SLC6A6: variants seen among roughly 807,000 people sequenced by gnomAD.
SLC6A6 encodes the protein solute carrier family 6 member 6, also known as sodium- and chloride-dependent taurine transporter.
SLC6A6 carries 16 observed loss-of-function variants against 68.8 expected under a neutral mutation model. That is an observed-to-expected ratio of 0.23 (90% CI 0.16 to 0.35). The LOEUF is 0.35. Ranked by LOEUF, SLC6A6 falls within the 10% of genes least tolerant of loss-of-function variation. The pLI is 1.00. For missense variants in SLC6A6, 474 were observed against 802.8 expected (o/e 0.59, Z 4.95); for synonymous variants, 312 against 315.4 (o/e 0.99, Z 0.12).
chr3:14,404,050 C>A (rs932985324), intron 1 of SLC6A6, among the ~76,000 whole-genome samples: 1 of 152,250 alleles, frequency 6.6e-6, no homozygotes, highest in East Asian at 1.9e-4. Flanking sequence ...TGCCCAGACA[C>A]TTGAATGGAG....
At chr3:14,475,917 G>A (rs1327356720) in intron 10 of SLC6A6, among the ~76,000 whole-genome samples, 1 of 152,110 alleles carries the variant, frequency 6.6e-6, no homozygotes, top group African/African-American at 2.4e-5. Context: ...TCCAGCCCTT[G>A]TCAGCACATG....
At chr3:14,407,301 T>TA (rs555082864) in intron 1 of SLC6A6, among the ~76,000 whole-genome samples, 2 of 152,060 alleles carry the variant, frequency 1.3e-5, no homozygotes, top group Non-Finnish European at 2.9e-5. Context: ...CCTCCCACCT[T>TA]AGATGATTTT....
chr3:14,477,368 C>T lies in SLC6A6; in HGVS notation c.1347+26C>T. On this transcript the variant is annotated intron_variant, in intron 11 of 14. Coordinates refer to ENST00000622186, the MANE Select transcript of SLC6A6 (RefSeq NM_003043.6). The surrounding 1 kb of genome is among the most constrained non-coding windows in gnomAD (Gnocchi z 4.2). ...GTAGGTGGCTCTCTCAGCTGTGTTT[C>T]AGGCTTGGTGCTCCAGTGCCCTCCT... The T allele has an allele frequency of 6.2e-7, 1 of 1,611,892 alleles. No homozygotes were observed. The highest frequency in any genetic ancestry group is 8.5e-7 in the Non-Finnish European group (1 of 1,178,544).
intron 1 of SLC6A6, among the ~76,000 whole-genome samples, chr3:14,412,857 A>G (rs1699280268): frequency 6.6e-6 from 1 of 152,342 alleles, no homozygotes; most frequent in South Asian, 2.1e-4. Flanking sequence ...CATTTTGCAC[A>G]TGAAGACCCG....
At chr3:14,462,380 AAG>A (rs1340384861) in intron 6 of SLC6A6, among the ~76,000 whole-genome samples, 1 of 152,162 alleles carries the variant, frequency 6.6e-6, no homozygotes, top group Admixed American at 6.5e-5. Flanking sequence ...ACTTTTTCCA[AAG>A]AGAGTTTTGA....
At chr3:14,404,554 G>A (rs1327419843) in intron 1 of SLC6A6, among the ~76,000 whole-genome samples, 35 of 152,206 alleles carry the variant, frequency 2.3e-4, no homozygotes. Flanking sequence ...GTAAACCAGG[G>A]ACCAGAGGTA....
intron 1 of SLC6A6, among the ~76,000 whole-genome samples, chr3:14,409,363 A>G (rs906700471): frequency 6.6e-6 from 1 of 152,224 alleles, no homozygotes. Context: ...GGCTGAGCCG[A>G]TTCAGCATTC....
intron 1 of SLC6A6, among the ~76,000 whole-genome samples, chr3:14,404,156 T>C (rs1284649376): frequency 6.6e-6 from 1 of 152,246 alleles, no homozygotes; most frequent in Non-Finnish European, 1.5e-5. Context: ...TAAATGTCAC[T>C]GAGGAGATCT....
intron 10 of SLC6A6, among the ~76,000 whole-genome samples, chr3:14,475,536 C>T (rs949571381): frequency 8.5e-5 from 13 of 152,150 alleles, no homozygotes; most frequent in African/African-American, 2.9e-4. Context: ...AAGTGAGGCT[C>T]GGAGAAGCCA....
At chr3:14,413,692 T>C (rs1362908009) in intron 1 of SLC6A6, among the ~76,000 whole-genome samples, 2 of 150,474 alleles carry the variant, frequency 1.3e-5, no homozygotes, top group South Asian at 2.2e-4. Flanking sequence ...TCTCTGGCTG[T>C]GTGCCTGGGG....
At chr3:14,439,710 G>A (rs909729261) in intron 2 of SLC6A6, among the ~76,000 whole-genome samples, 1 of 152,224 alleles carries the variant, frequency 6.6e-6, no homozygotes, top group African/African-American at 2.4e-5. Context: ...GCCTGTGGAG[G>A]AGGACTCGCT....
chr3:14,434,092 T>C (rs1215572100), intron 2 of SLC6A6, among the ~76,000 whole-genome samples: 1 of 152,198 alleles, frequency 6.6e-6, no homozygotes, highest in African/African-American at 2.4e-5. Context: ...TGTTCTCTGC[T>C]CTTAGAACAG....
At chr3:14,443,928 G>A (rs1347371343) in intron 3 of SLC6A6, 65 bp downstream of exon 3, 3 of 1,175,180 alleles carry the variant, frequency 2.6e-6, no homozygotes, top group East Asian at 4.7e-5. Context: ...CTGGAGGCTG[G>A]GACCAGAGCG....
chr3:14,484,837 T>G, intron 14 of SLC6A6, 30 bp from the exon 15 acceptor site: 1 of 1,605,352 alleles, frequency 6.2e-7, no homozygotes, highest in Non-Finnish European at 8.5e-7. Flanking sequence ...GCCTGACGTT[T>G]CCCCCCTCAC....
rs372016351 is a variant in SLC6A6, at chr3:14,485,023, C to T, written c.*16C>T. 6.0e-5 allele frequency: 96 copies of T among 1,591,204 alleles called. No homozygotes were observed. Among genetic ancestry groups the T allele is most frequent in the African/African-American group, 5.1e-4 (38 of 74,388 alleles). ...CATGATGTGAGCTCTCTCGGGTCGA[C>T]GGGGCCGGCGGCTTTCCTGCTGTTT... On this transcript the variant is annotated 3_prime_UTR_variant, in exon 15 of 15. Transcript: ENST00000622186.
At chr3:14,446,719 A>T (rs978593617) in intron 4 of SLC6A6, among the ~76,000 whole-genome samples, 1 of 152,210 alleles carries the variant, frequency 6.6e-6, no homozygotes, top group Non-Finnish European at 1.5e-5. Context: ...TATGAAATAG[A>T]AATATAGTCG....
intron 1 of SLC6A6, among the ~76,000 whole-genome samples, chr3:14,405,227 C>A (rs1699080257): frequency 6.6e-6 from 1 of 152,076 alleles, no homozygotes; most frequent in Non-Finnish European, 1.5e-5. Flanking sequence ...TGCTTCTGTC[C>A]CTAGTTACTC....
intron 2 of SLC6A6, among the ~76,000 whole-genome samples, chr3:14,424,222 C>T (rs537710341): frequency 1.3e-5 from 2 of 151,926 alleles, no homozygotes; most frequent in East Asian, 1.9e-4. Context: ...GTGGTTCAGG[C>T]CCCAGCTGGG....
At chr3:14,447,953 A>T in intron 5 of SLC6A6, 137 bp downstream of exon 5, 1 of 1,461,250 alleles carries the variant, frequency 6.8e-7, no homozygotes, top group African/African-American at 1.4e-5. Context: ...CTGGAGATAA[A>T]TTTATGCCTT....
Sources: allele counts gnomAD v4.1 joint callset (sites outside exome capture counted in the v4.1 genomes callset), GRCh38; gene constraint gnomAD v4.1.1; non-coding constraint Gnocchi (gnomAD v3.1); transcripts MANE v1.5; gene names NCBI Gene and HGNC (gene_info 2026-07-23, HGNC 2026-07-21).